B3GALT1: variants seen among roughly 807,000 people sequenced by gnomAD.
B3GALT1 encodes the protein UDP-Gal:betaGlcNAc beta 1,3-galactosyltransferase, polypeptide 1.
B3GALT1 carries 10 observed loss-of-function variants against 23.2 expected under a neutral mutation model. The ratio of observed to expected loss-of-function variants is 0.43; its 90% CI spans 0.27 to 0.73. B3GALT1 has a LOEUF of 0.73. Ranked by LOEUF, B3GALT1 falls within the 30% of genes least tolerant of loss-of-function variation. B3GALT1 has a pLI of 0.21. For synonymous variants in B3GALT1, 156 were observed against 141.5 expected, an observed-to-expected ratio of 1.10 and a Z score of -0.73; for missense variants, 299 against 405.4, an observed-to-expected ratio of 0.74 and a Z score of 2.25.
intron 3 of B3GALT1, among the ~76,000 whole-genome samples, chr2:167,683,493 G>A (rs542840077): frequency 1.3e-5 from 2 of 151,978 alleles, no homozygotes; most frequent in Non-Finnish European, 2.9e-5. Flanking sequence ...GGCCTAGGTG[G>A]GCAGATGGCT....
chr2:167,747,800 C>T (rs528341132), intron 3 of B3GALT1, among the ~76,000 whole-genome samples: 88 of 152,222 alleles, frequency 5.8e-4, no homozygotes, highest in African/African-American at 2.0e-3. Context: ...AGTATGAAGG[C>T]GTCAGAATGG....
chr2:167,697,857 G>T (rs1574218786), intron 3 of B3GALT1, among the ~76,000 whole-genome samples: 2 of 152,310 alleles, frequency 1.3e-5, no homozygotes, highest in East Asian at 3.9e-4. Context: ...GAGCTAGGCG[G>T]TCATGAGGAA....
chr2:167,789,095 T>A (rs1688391722), intron 3 of B3GALT1, among the ~76,000 whole-genome samples: 1 of 152,208 alleles, frequency 6.6e-6, no homozygotes, highest in Non-Finnish European at 1.5e-5. Context: ...TTTTTTAAAT[T>A]GGTGCGAGCC....
rs572650522 is a variant in B3GALT1 at position 167,542,798 on chromosome 2, C to CTTT, written c.-410+52532_-410+52534dup. On this transcript the variant is annotated intron_variant, in intron 2 of 4. Coordinates refer to ENST00000392690, the MANE Select transcript of B3GALT1 (RefSeq NM_020981.4). ...TATCCTATAGATCTTTGTATTAAAG[C>CTTT]TTTTTTTTTTTTTGTAAGAAGAAAG... Among the ~76,000 whole-genome samples the CTTT allele has an allele frequency of 5.6e-3, 795 of 140,876 alleles. 10 individuals are homozygous for CTTT. The highest frequency in any genetic ancestry group is 0.02 in the African/African-American group (758 of 38,852). 92.4% of individuals were successfully genotyped at this position (140,876 alleles called of 152,430 possible). A position where few individuals can be genotyped will look rare whatever the true frequency, so the allele number is the denominator to read the frequency against.
intron 1 of B3GALT1, among the ~76,000 whole-genome samples, chr2:167,411,639 C>G (rs1176028379): frequency 6.6e-6 from 1 of 152,154 alleles, no homozygotes; most frequent in Non-Finnish European, 1.5e-5. Context: ...AGTACAGCTA[C>G]TATCAACTGT....
chr2:167,596,837 A>G (rs1375498638), intron 2 of B3GALT1, among the ~76,000 whole-genome samples: 2 of 152,220 alleles, frequency 1.3e-5, no homozygotes, highest in African/African-American at 4.8e-5. Context: ...AATAGGAATG[A>G]CATAGAAAAC....
intron 2 of B3GALT1, among the ~76,000 whole-genome samples, chr2:167,565,810 C>G (rs573863529): frequency 6.6e-6 from 1 of 152,070 alleles, no homozygotes; most frequent in Non-Finnish European, 1.5e-5. Flanking sequence ...GATACCATCT[C>G]ACACCAGTTA....
At chr2:167,504,633 C>T (rs1175611442) in intron 2 of B3GALT1, among the ~76,000 whole-genome samples, 1 of 149,740 alleles carries the variant, frequency 6.7e-6, no homozygotes, top group Non-Finnish European at 1.5e-5. Context: ...TGCAACATAA[C>T]ACAGTCATAC....
At chr2:167,574,794 G>A (rs537347911) in intron 2 of B3GALT1, among the ~76,000 whole-genome samples, 1 of 151,836 alleles carries the variant, frequency 6.6e-6, no homozygotes, top group African/African-American at 2.4e-5. Context: ...GAACAGAAAT[G>A]TTCTCTCTTT....
intron 2 of B3GALT1, among the ~76,000 whole-genome samples, chr2:167,532,276 G>A (rs1046598470): frequency 6.6e-6 from 1 of 152,092 alleles, no homozygotes; most frequent in Non-Finnish European, 1.5e-5. Flanking sequence ...TTTTAGTGCT[G>A]TTTGGTTTAA....
At chr2:167,705,975 G>C (rs1558954707) in intron 3 of B3GALT1, among the ~76,000 whole-genome samples, 1 of 152,170 alleles carries the variant, frequency 6.6e-6, no homozygotes, top group East Asian at 1.9e-4. Context: ...GCATTGACTA[G>C]AGGCAAGAGG....
At chr2:167,682,428 A>G (rs1416922651) in intron 3 of B3GALT1, among the ~76,000 whole-genome samples, 1 of 152,198 alleles carries the variant, frequency 6.6e-6, no homozygotes, top group Non-Finnish European at 1.5e-5. Flanking sequence ...TTGCAAAGTT[A>G]AAATGCTCTG....
intron 1 of B3GALT1, among the ~76,000 whole-genome samples, chr2:167,466,409 G>C (rs1699345632): frequency 6.6e-6 from 1 of 151,870 alleles, no homozygotes; most frequent in African/African-American, 2.4e-5. Flanking sequence ...CCTGAGGTCA[G>C]GAGTTCAAGA....
chr2:167,494,253 C>A, intron 2 of B3GALT1, among the ~76,000 whole-genome samples: 1 of 150,330 alleles, frequency 6.7e-6, no homozygotes, highest in South Asian at 2.1e-4. Context: ...ATAAATAGAT[C>A]AAATGCAATA....
chr2:167,655,623 A>G (rs777670383), intron 3 of B3GALT1, among the ~76,000 whole-genome samples: 1 of 152,220 alleles, frequency 6.6e-6, no homozygotes, highest in South Asian at 2.1e-4. Context: ...AAAATTGTTC[A>G]TTGACAGTTT....
chr2:167,450,973 G>T (rs114574829), intron 1 of B3GALT1, among the ~76,000 whole-genome samples: 1 of 151,778 alleles, frequency 6.6e-6, no homozygotes, highest in African/African-American at 2.4e-5. Flanking sequence ...TCTTCTGCTT[G>T]TTCAGTTCTG....
At chr2:167,689,084 TAAAAAC>T (rs1364299492) in intron 3 of B3GALT1, among the ~76,000 whole-genome samples, 1 of 97,932 alleles carries the variant, frequency 1.0e-5, no homozygotes, top group Non-Finnish European at 2.2e-5. Flanking sequence ...CAATTGAAAA[TAAAAAC>T]AAAATCATCA....
chr2:167,561,946 A>T (rs1422187114), intron 2 of B3GALT1, among the ~76,000 whole-genome samples: 2 of 152,196 alleles, frequency 1.3e-5, no homozygotes, highest in Admixed American at 1.3e-4. Flanking sequence ...ATCCTCCCTA[A>T]CTCATTTTAT....
At chr2:167,581,231 C>T (rs1684478260) in intron 2 of B3GALT1, among the ~76,000 whole-genome samples, 1 of 152,156 alleles carries the variant, frequency 6.6e-6, no homozygotes, top group Non-Finnish European at 1.5e-5. Flanking sequence ...ATGTCCAAAG[C>T]ATGCACACAT....
Sources: allele counts gnomAD v4.1 joint callset (sites outside exome capture counted in the v4.1 genomes callset), GRCh38; gene constraint gnomAD v4.1.1; transcripts MANE v1.5; gene names NCBI Gene and HGNC (gene_info 2026-07-23, HGNC 2026-07-21).